Variants in TMEM117 observed in about 807,000 individuals in gnomAD.
TMEM117 encodes the protein transmembrane protein 117.
Under a neutral mutation model 52.4 loss-of-function variants are expected in TMEM117, and 27 were observed. The ratio of observed to expected loss-of-function variants is 0.51; its 90% CI spans 0.38 to 0.71. The LOEUF (loss-of-function observed/expected upper bound fraction) is 0.71. Ranked by LOEUF, TMEM117 falls within the 30% of genes least tolerant of loss-of-function variation. The pLI is 0.00. For synonymous variants in TMEM117, 215 were observed against 206.3 expected (o/e 1.04, Z -0.36); for missense variants, 556 against 630.5 (o/e 0.88, Z 1.26).
intron 4 of TMEM117, among the ~76,000 whole-genome samples, chr12:44,192,988 G>A (rs1202769528): frequency 6.6e-6 from 1 of 152,206 alleles, no homozygotes; most frequent in Non-Finnish European, 1.5e-5. Context: ...ATTGAGGTAT[G>A]TGTTGGGAGG....
At chr12:44,398,958 A>G in the TMEM117 span, among the ~76,000 whole-genome samples, 2 of 152,120 alleles carry the variant, frequency 1.3e-5, no homozygotes, top group Non-Finnish European at 2.9e-5. Context: ...CTCTCTCAGG[A>G]TATATGATAA....
intron 3 of TMEM117, among the ~76,000 whole-genome samples, chr12:44,126,274 T>A (rs1174063430): frequency 1.3e-5 from 2 of 152,222 alleles, no homozygotes; most frequent in African/African-American, 4.8e-5. Context: ...TTTTGCAGTT[T>A]CTCTAACCCC....
intron 5 of TMEM117, among the ~76,000 whole-genome samples, chr12:44,290,039 A>G (rs1318364137): frequency 6.6e-6 from 1 of 151,960 alleles, no homozygotes; most frequent in South Asian, 2.1e-4. Flanking sequence ...CCCCTTGCCC[A>G]TTTTCTAACC....
rs926417488 is a variant in TMEM117 at position 43,988,812 on chromosome 12, T to C, written c.410+44470T>C. Among the ~76,000 whole-genome samples the C allele has an allele frequency of 2.0e-5, 3 of 152,264 alleles. No individual in the cohort carries two copies. The South Asian group carries it at 6.2e-4, about 32-fold the overall frequency. ...TGAGGCTGCTCTGAATGATCGTTGG[T>C]ATTTTGCAAAACGTTTACAAGTATG... On this transcript the variant is annotated intron_variant, in intron 3 of 7. Coordinates refer to ENST00000266534, the MANE Select transcript of TMEM117 (RefSeq NM_032256.3).
At chr12:43,940,092 G>T (rs1238937582) in intron 2 of TMEM117, among the ~76,000 whole-genome samples, 2 of 152,094 alleles carry the variant, frequency 1.3e-5, no homozygotes, top group Non-Finnish European at 2.9e-5. Context: ...TGAGATTTGG[G>T]TATCAACATG....
At chr12:43,948,257 C>G (rs1433771853) in intron 3 of TMEM117, among the ~76,000 whole-genome samples, 2 of 152,074 alleles carry the variant, frequency 1.3e-5, no homozygotes, top group Non-Finnish European at 2.9e-5. Flanking sequence ...GACTCTCTTT[C>G]TGCACCTCTG....
the TMEM117 span, among the ~76,000 whole-genome samples, chr12:43,809,362 T>C: frequency 6.6e-6 from 1 of 152,204 alleles, no homozygotes; most frequent in Admixed American, 6.5e-5. Context: ...CACATAGAAG[T>C]TGTATGACCA....
intron 6 of TMEM117, among the ~76,000 whole-genome samples, chr12:44,371,919 C>A (rs896741231): frequency 1.3e-5 from 2 of 152,148 alleles, no homozygotes. Flanking sequence ...AGATATATGT[C>A]ATGACACTGT....
At chr12:44,012,916 T>G (rs968085726) in intron 3 of TMEM117, among the ~76,000 whole-genome samples, 1 of 152,072 alleles carries the variant, frequency 6.6e-6, no homozygotes, top group African/African-American at 2.4e-5. Context: ...TAGAAAGAAG[T>G]GCACTAAATA....
chr12:43,934,820 T>C (rs1944924453), intron 2 of TMEM117, among the ~76,000 whole-genome samples: 1 of 152,180 alleles, frequency 6.6e-6, no homozygotes, highest in Non-Finnish European at 1.5e-5. Flanking sequence ...AATATTAATG[T>C]AATGGTACTC....
intron 2 of TMEM117, among the ~76,000 whole-genome samples, chr12:43,878,578 T>C (rs1592327792): frequency 6.6e-6 from 1 of 152,186 alleles, no homozygotes; most frequent in Non-Finnish European, 1.5e-5. Flanking sequence ...GTGACAACAA[T>C]AGGTTGTAGC....
At chr12:44,057,679 A>G (rs1158838183) in intron 3 of TMEM117, among the ~76,000 whole-genome samples, 2 of 152,162 alleles carry the variant, frequency 1.3e-5, no homozygotes, top group African/African-American at 4.8e-5. Context: ...TGTTATTTAA[A>G]TTGTTGAGGG....
intron 4 of TMEM117, among the ~76,000 whole-genome samples, chr12:44,179,527 A>G (rs1161408788): frequency 6.6e-6 from 1 of 152,214 alleles, no homozygotes; most frequent in Non-Finnish European, 1.5e-5. Flanking sequence ...CAGCATGGCA[A>G]GGGAAGAGTG....
rs1471751347 is a variant in TMEM117 at position 44,388,475 on chromosome 12, C to T, written c.1348C>T (p.Arg450Ter). The T allele has an allele frequency of 2.5e-6, 4 of 1,613,236 alleles. No individual in the cohort carries two copies. Among genetic ancestry groups the T allele is most frequent in the South Asian group, 1.1e-5 (1 of 91,068 alleles). The change falls in exon 8 of 8, where the codon CGA becomes TGA. Residue 450 changes from arginine (R) to a stop codon, truncating the protein, a stop_gained. Transcript: ENST00000266534. LOFTEE classifies it high-confidence loss of function. ...ACATAGCAAAGACATGGGAATCACTCGAGAAAACACCCAGGCTTCAGTAGA... is the reference window on the plus strand; with the variant it reads ...ACATAGCAAAGACATGGGAATCACTTGAGAAAACACCCAGGCTTCAGTAGA... ...SEHSKDMGIT[R>*]ENTQASVEDP...
Position 44,075,003 on chromosome 12 carries a change from T to G in TMEM117, c.411-68522T>G, listed in dbSNP as rs1436726497. On this transcript the variant is annotated intron_variant, in intron 3 of 7. Coordinates refer to ENST00000266534, the MANE Select transcript of TMEM117 (RefSeq NM_032256.3). ...TCATTTTCTCCTTCATGTTTGAGGC[T>G]TATTCAGTTTTCTCAGAAGTTGAGT... 2.6e-5 allele frequency among the ~76,000 whole-genome samples: 4 copies of G among 152,342 alleles called. No homozygotes were observed. In the East Asian group the frequency reaches 7.7e-4, roughly 29 times the overall value.
chr12:44,039,278 T>C (rs1565802978), intron 3 of TMEM117, among the ~76,000 whole-genome samples: 1 of 151,978 alleles, frequency 6.6e-6, no homozygotes, highest in Non-Finnish European at 1.5e-5. Context: ...TTTACAAATC[T>C]GTGAGATCTG....
intron 6 of TMEM117, among the ~76,000 whole-genome samples, chr12:44,343,277 AGTG>A (rs923667473): frequency 1.3e-4 from 20 of 151,898 alleles, no homozygotes; most frequent in African/African-American, 4.8e-4. Context: ...GCCTAGGGGA[AGTG>A]GTGATGAGAA....
intron 3 of TMEM117, among the ~76,000 whole-genome samples, chr12:44,044,234 T>C (rs1435335660): frequency 1.3e-5 from 2 of 152,184 alleles, no homozygotes; most frequent in Non-Finnish European, 2.9e-5. Flanking sequence ...CAGATAGGGA[T>C]GCTGTTTGGA....
intron 3 of TMEM117, among the ~76,000 whole-genome samples, chr12:43,989,645 C>G (rs1945905877): frequency 1.3e-5 from 2 of 151,922 alleles, no homozygotes; most frequent in African/African-American, 4.8e-5. Flanking sequence ...CAATTGTTTT[C>G]TCTGTTAGGG....
Sources: gnomAD v4.1 joint callset for allele counts (sites outside exome capture counted in the v4.1 genomes callset) on GRCh38, gnomAD v4.1.1 for gene constraint, MANE v1.5 for transcripts, NCBI Gene and HGNC (gene_info 2026-07-23, HGNC 2026-07-21) for gene names.